GXYLT2: variants seen among roughly 807,000 people sequenced by gnomAD.
The protein encoded by GXYLT2 is glycosyltransferase 8 domain containing 4.
A neutral mutation model predicts 45.8 loss-of-function variants in GXYLT2; 53 were observed. The observed-to-expected ratio is 1.16, with a 90% CI of 0.93 to 1.46. The LOEUF (loss-of-function observed/expected upper bound fraction) is 1.46. Among genes scored for constraint, GXYLT2 ranks in the 40% most tolerant of loss-of-function variants. The pLI is 0.00. For synonymous variants in GXYLT2, 219 were observed against 214.2 expected (o/e 1.02, Z -0.19); for missense variants, 551 against 544.4 (o/e 1.01, Z -0.12).
chr3:72,934,464 T>C (rs1710140112), intron 3 of GXYLT2, among the ~76,000 whole-genome samples: 1 of 152,136 alleles, frequency 6.6e-6, no homozygotes, highest in Non-Finnish European at 1.5e-5. Context: ...TTGAGACAGC[T>C]AAATCTTTAA....
chr3:72,969,485 C>A (rs185377474), intron 6 of GXYLT2, among the ~76,000 whole-genome samples: 119 of 151,962 alleles, frequency 7.8e-4, no homozygotes, highest in Non-Finnish European at 4.0e-4. Flanking sequence ...ACCAGTGACA[C>A]CTATTCATTT....
chr3:72,901,288 CAAA>C (rs35141445), intron 1 of GXYLT2, among the ~76,000 whole-genome samples: 11 of 96,464 alleles, frequency 1.1e-4, no homozygotes, highest in African/African-American at 1.2e-4. Flanking sequence ...GACTCTGTCT[CAAA>C]AAAAAAAAAA....
At chr3:72,928,922 C>CCCGG (rs1416377619) in intron 3 of GXYLT2, 6 of 708,230 alleles carry the variant, frequency 8.5e-6, no homozygotes, top group Non-Finnish European at 1.3e-5. Context: ...CGTCCCCCAT[C>CCCGG]CCGGCCGGCC....
intron 3 of GXYLT2, chr3:72,929,118 A>G (rs1709976546): frequency 6.3e-7 from 1 of 1,590,976 alleles, no homozygotes; most frequent in African/African-American, 1.3e-5. Flanking sequence ...CGCTAGATCA[A>G]CCTGGAGCTC....
intron 3 of GXYLT2, among the ~76,000 whole-genome samples, chr3:72,947,972 C>T (rs1222725394): frequency 1.3e-5 from 2 of 152,132 alleles, no homozygotes; most frequent in East Asian, 1.9e-4. Flanking sequence ...GTGTACACTT[C>T]ATAACAAAGC....
At chr3:72,923,598 G>T (rs1376723066) in intron 3 of GXYLT2, among the ~76,000 whole-genome samples, 4 of 152,194 alleles carry the variant, frequency 2.6e-5, no homozygotes, top group Non-Finnish European at 5.9e-5. Context: ...TGCCCACCAG[G>T]GTGCTGGGCC....
intron 3 of GXYLT2, among the ~76,000 whole-genome samples, chr3:72,946,662 G>C (rs181029257): frequency 2.0e-5 from 3 of 152,090 alleles, no homozygotes; most frequent in Non-Finnish European, 4.4e-5. Flanking sequence ...AATCCTATTC[G>C]TGAGGGCTCC....
chr3:72,909,895 A>C (rs529844177), intron 2 of GXYLT2, among the ~76,000 whole-genome samples: 1 of 152,320 alleles, frequency 6.6e-6, no homozygotes, highest in East Asian at 1.9e-4. Context: ...AATGCCCAAA[A>C]AAAGCATGTT....
chr3:72,964,592 A>C (rs1710829081), intron 5 of GXYLT2, among the ~76,000 whole-genome samples: 1 of 152,190 alleles, frequency 6.6e-6, no homozygotes, highest in Non-Finnish European at 1.5e-5. Flanking sequence ...AAGTGCTGGG[A>C]TTACAGGCGT....
intron 3 of GXYLT2, among the ~76,000 whole-genome samples, chr3:72,928,271 T>C (rs764793719): frequency 9.2e-5 from 14 of 152,256 alleles, no homozygotes; most frequent in Non-Finnish European, 1.8e-4. Context: ...CCTAAGGACC[T>C]AGGCAAATGA....
At chr3:72,952,294 T>A (rs1710543408) in intron 3 of GXYLT2, among the ~76,000 whole-genome samples, 1 of 152,104 alleles carries the variant, frequency 6.6e-6, no homozygotes, top group South Asian at 2.1e-4. Context: ...ATCTTCAAAT[T>A]CTTAAAATGG....
At chr3:72,948,805 C>G (rs1710460004) in intron 3 of GXYLT2, among the ~76,000 whole-genome samples, 1 of 149,208 alleles carries the variant, frequency 6.7e-6, no homozygotes, top group African/African-American at 2.5e-5. Flanking sequence ...CCACTGCACT[C>G]CAGCCTGGTG....
At chr3:72,920,134 A>T (rs1709804495) in intron 2 of GXYLT2, among the ~76,000 whole-genome samples, 2 of 150,462 alleles carry the variant, frequency 1.3e-5, no homozygotes, top group African/African-American at 4.9e-5. Flanking sequence ...TTTATTTTTT[A>T]TTTATTTTTT....
chr3:72,937,090 A>G (rs1310476822), intron 3 of GXYLT2, among the ~76,000 whole-genome samples: 1 of 152,144 alleles, frequency 6.6e-6, no homozygotes, highest in Non-Finnish European at 1.5e-5. Context: ...CTACCTATCT[A>G]TGTATATTAT....
chr3:72,917,687 G>C (rs1709765732), intron 2 of GXYLT2, among the ~76,000 whole-genome samples: 1 of 149,446 alleles, frequency 6.7e-6, no homozygotes, highest in Admixed American at 6.7e-5. Flanking sequence ...AGCCCAGAGA[G>C]ATCAAGGCTG....
At chr3:72,901,268 G>A (rs75009626) in intron 1 of GXYLT2, among the ~76,000 whole-genome samples, 40,004 of 144,340 alleles carry the variant, frequency 0.28, 5,958 homozygotes, top group Non-Finnish European at 0.34. Context: ...CAGCCTGGGT[G>A]ACAGATCTAG....
chr3:72,962,210 T>C lies in GXYLT2; in HGVS notation c.976+4858T>C, dbSNP rs17010297. Among the ~76,000 whole-genome samples, 153 of 152,286 alleles carry C rather than the reference T, an allele frequency of 1.0e-3. 1 individual carries two copies. In the East Asian group the frequency reaches 0.029, roughly 29 times the overall value. On this transcript the variant is annotated intron_variant, in intron 5 of 6. Coordinates refer to ENST00000389617, the MANE Select transcript of GXYLT2 (RefSeq NM_001080393.2). ...ATTGTGGGATTGACAAGCCCAGTTA[T>C]TTCATATTGGGACTGTTCTAGGAAA...
chr3:72,920,227 C>T (rs901601187), intron 2 of GXYLT2, among the ~76,000 whole-genome samples: 6 of 152,152 alleles, frequency 3.9e-5, no homozygotes, highest in East Asian at 3.9e-4. Flanking sequence ...CTCCGCCTTC[C>T]GAGTTGATGT....
intron 3 of GXYLT2, among the ~76,000 whole-genome samples, chr3:72,946,014 C>T (rs1389415481): frequency 3.3e-5 from 5 of 152,076 alleles, no homozygotes; most frequent in Non-Finnish European, 7.4e-5. Context: ...TGGTGGCTCA[C>T]ACCTGTAATA....
Sources: allele counts gnomAD v4.1 joint callset (sites outside exome capture counted in the v4.1 genomes callset), GRCh38; gene constraint gnomAD v4.1.1; transcripts MANE v1.5; gene names NCBI Gene and HGNC (gene_info 2026-07-23, HGNC 2026-07-21).